The following ROBO2 variants were observed in gnomAD, a reference collection of about 807,000 sequenced individuals.
The protein encoded by ROBO2 is roundabout guidance receptor 2.
Under a neutral mutation model 160.8 loss-of-function variants are expected in ROBO2, and 53 were observed. That is an observed-to-expected ratio of 0.33 (90% confidence interval 0.26 to 0.41). The LOEUF is 0.41. ROBO2 is among the 10% of genes least tolerant of loss of function. ROBO2 has a pLI of 1.00. For missense variants in ROBO2, 1,577 were observed against 1,722.4 expected, an observed-to-expected ratio of 0.92 and a Z score of 1.49; for synonymous variants, 664 against 611.7, an observed-to-expected ratio of 1.09 and a Z score of -1.26.
intron 1 of ROBO2, among the ~76,000 whole-genome samples, chr3:77,089,546 G>A (rs1226268634): frequency 2.6e-5 from 4 of 152,140 alleles, no homozygotes; most frequent in Non-Finnish European, 2.9e-5. Context: ...TAAGAAATAA[G>A]TAGAGTTTCT....
In ROBO2 at chr3:77,163,598, C is replaced by T. The variant is rs372111334; in HGVS notation, c.388+65258C>T. On this transcript the variant is annotated intron_variant, in intron 2 of 25. Coordinates refer to ENST00000461745, the Ensembl canonical transcript of ROBO2. ...CTTTTCTTTCATAATGTTCCATTGT[C>T]GCATGCTACAGTATTTATAATAATT... 5.9e-5 allele frequency among the ~76,000 whole-genome samples: 9 copies of T among 152,294 alleles called. No homozygotes were observed. The East Asian group carries it at 7.7e-4, about 13-fold the overall frequency.
intron 2 of ROBO2, among the ~76,000 whole-genome samples, chr3:76,380,500 C>A (rs562547466): frequency 6.6e-6 from 1 of 152,286 alleles, no homozygotes; most frequent in South Asian, 2.1e-4. Context: ...CAGCCCAAGA[C>A]AGGAGGACCA....
chr3:76,709,926 A>G (rs2093254983), intron 2 of ROBO2, among the ~76,000 whole-genome samples: 1 of 152,118 alleles, frequency 6.6e-6, no homozygotes. Context: ...TTCTGCCAAC[A>G]GCTCTTCTGA....
At chr3:76,981,821 T>C (rs1046971584) in intron 2 of ROBO2, among the ~76,000 whole-genome samples, 1 of 152,054 alleles carries the variant, frequency 6.6e-6, no homozygotes, top group African/African-American at 2.4e-5. Context: ...GGACATCACA[T>C]GGCAAAAACA....
chr3:77,451,285 C>G (rs2153562163), intron 2 of ROBO2, among the ~76,000 whole-genome samples: 1 of 152,162 alleles, frequency 6.6e-6, no homozygotes, highest in Non-Finnish European at 1.5e-5. Flanking sequence ...TGATCCCTAT[C>G]CATATAAAAA....
intron 2 of ROBO2, among the ~76,000 whole-genome samples, chr3:76,108,902 G>T (rs1376823866): frequency 2.6e-5 from 4 of 151,122 alleles, no homozygotes. Flanking sequence ...TTATTAAAAT[G>T]TAATTTTATT....
intron 2 of ROBO2, among the ~76,000 whole-genome samples, chr3:76,597,711 C>T (rs552455842): frequency 1.7e-4 from 26 of 152,108 alleles, no homozygotes; most frequent in Non-Finnish European, 3.2e-4. Context: ...CCCGCTTAAG[C>T]AGGCCCCAGT....
At chr3:76,384,858 C>T (rs1576831175) in intron 2 of ROBO2, among the ~76,000 whole-genome samples, 1 of 152,296 alleles carries the variant, frequency 6.6e-6, no homozygotes, top group South Asian at 2.1e-4. Flanking sequence ...ATTAGGGGAA[C>T]TACAATTCAA....
At chr3:76,672,078 A>T (rs2092282418) in intron 2 of ROBO2, among the ~76,000 whole-genome samples, 1 of 152,146 alleles carries the variant, frequency 6.6e-6, no homozygotes, top group South Asian at 2.1e-4. Flanking sequence ...TTCAACAAAA[A>T]AAAGCTTATT....
intron 2 of ROBO2, among the ~76,000 whole-genome samples, chr3:76,039,657 T>C (rs975882965): frequency 6.6e-6 from 1 of 152,092 alleles, no homozygotes; most frequent in Non-Finnish European, 1.5e-5. Flanking sequence ...GGAAAGAACA[T>C]TATCTGACTA....
At chr3:77,439,065 A>T (rs1316881539) in intron 2 of ROBO2, among the ~76,000 whole-genome samples, 1 of 152,066 alleles carries the variant, frequency 6.6e-6, no homozygotes, top group East Asian at 1.9e-4. Flanking sequence ...ACAAAAGGAC[A>T]ATATATATTG....
chr3:76,939,316 T>C (rs966179442), intron 2 of ROBO2, among the ~76,000 whole-genome samples: 2 of 152,240 alleles, frequency 1.3e-5, no homozygotes, highest in African/African-American at 4.8e-5. Flanking sequence ...GTTTATTCTC[T>C]GATTTGGTAG....
At chr3:76,680,895 G>C (rs891753077) in intron 2 of ROBO2, among the ~76,000 whole-genome samples, 2 of 151,988 alleles carry the variant, frequency 1.3e-5, no homozygotes, top group African/African-American at 2.4e-5. Flanking sequence ...TTGTGCCTCA[G>C]CCTCCCGAGT....
chr3:76,596,848 G>GCAAATCT (rs552760256), intron 2 of ROBO2, among the ~76,000 whole-genome samples: 222 of 152,162 alleles, frequency 1.5e-3, no homozygotes, highest in African/African-American at 5.1e-3. Flanking sequence ...TTGTGTAACA[G>GCAAATCT]CAAATCTCTG....
intron 1 of ROBO2, among the ~76,000 whole-genome samples, chr3:77,095,370 A>G (rs987528925): frequency 1.3e-5 from 2 of 152,018 alleles, no homozygotes; most frequent in East Asian, 3.9e-4. Context: ...TTTTTCTTTT[A>G]TAAATCAATT....
intron 2 of ROBO2, among the ~76,000 whole-genome samples, chr3:75,953,895 T>C (rs1948637867): frequency 6.6e-6 from 1 of 151,954 alleles, no homozygotes; most frequent in African/African-American, 2.4e-5. Flanking sequence ...GCTATTAGAC[T>C]AAAATGTAAT....
At chr3:77,463,010 C>A (rs1165427316) in intron 2 of ROBO2, among the ~76,000 whole-genome samples, 1 of 152,184 alleles carries the variant, frequency 6.6e-6, no homozygotes, top group Non-Finnish European at 1.5e-5. Flanking sequence ...ATAATTCATA[C>A]TTTCATCTTT....
At chr3:76,922,334 A>C (rs2076722157) in intron 2 of ROBO2, among the ~76,000 whole-genome samples, 1 of 152,118 alleles carries the variant, frequency 6.6e-6, no homozygotes, top group Non-Finnish European at 1.5e-5. Flanking sequence ...CCTAATGTAC[A>C]AGTTATGGTG....
At chr3:76,657,442 A>G (rs2091588868) in intron 2 of ROBO2, among the ~76,000 whole-genome samples, 1 of 145,458 alleles carries the variant, frequency 6.9e-6, no homozygotes, top group African/African-American at 2.6e-5. Flanking sequence ...CAAACAAAAA[A>G]ATTACATTAA....
Sources: allele counts gnomAD v4.1 joint callset (sites outside exome capture counted in the v4.1 genomes callset), GRCh38; gene constraint gnomAD v4.1.1; transcripts MANE v1.5; gene names NCBI Gene and HGNC (gene_info 2026-07-23, HGNC 2026-07-21).